CBFA2T2: variants seen among roughly 807,000 people sequenced by gnomAD.
CBFA2T2 encodes the protein CBFA2/RUNX1 partner transcriptional co-repressor 2.
A neutral mutation model predicts 62.2 loss-of-function variants in CBFA2T2; 11 were observed. The ratio of observed to expected loss-of-function variants is 0.18; its 90% CI spans 0.11 to 0.29. The LOEUF (loss-of-function observed/expected upper bound fraction) is 0.29, where lower values mean the gene tolerates loss of function less well. Ranked by LOEUF, CBFA2T2 falls within the 10% of genes least tolerant of loss-of-function variation. The pLI is 1.00. For synonymous variants in CBFA2T2, 295 were observed against 287.5 expected, an observed-to-expected ratio of 1.03 and a Z score of -0.27; for missense variants, 592 against 774.1, an observed-to-expected ratio of 0.76 and a Z score of 2.79.
At chr20:33,554,490 C>G (rs1390767934) in intron 1 of CBFA2T2, among the ~76,000 whole-genome samples, 1 of 151,738 alleles carries the variant, frequency 6.6e-6, no homozygotes, top group Non-Finnish European at 1.5e-5. Flanking sequence ...CTCAAGTGAT[C>G]TGCCCACCTC....
At chr20:33,590,726 C>T (rs892985835) in intron 1 of CBFA2T2, among the ~76,000 whole-genome samples, 3 of 152,180 alleles carry the variant, frequency 2.0e-5, no homozygotes, top group Non-Finnish European at 4.4e-5. Context: ...TTGCTTCGTG[C>T]TACTCCTGAG....
At chr20:33,573,297 T>C (rs2013653724) in intron 1 of CBFA2T2, among the ~76,000 whole-genome samples, 3 of 151,958 alleles carry the variant, frequency 2.0e-5, no homozygotes, top group Non-Finnish European at 4.4e-5. Flanking sequence ...TTACAAAAAA[T>C]GAAAGCGCTA....
intron 1 of CBFA2T2, among the ~76,000 whole-genome samples, chr20:33,533,282 C>T (rs1163474621): frequency 6.6e-6 from 1 of 152,108 alleles, no homozygotes; most frequent in Non-Finnish European, 1.5e-5. Flanking sequence ...GTAATCTCTC[C>T]CTCCCATGCT....
intron 1 of CBFA2T2, among the ~76,000 whole-genome samples, chr20:33,565,331 G>C (rs1568822188): frequency 6.6e-6 from 1 of 152,160 alleles, no homozygotes; most frequent in Non-Finnish European, 1.5e-5. Context: ...CTGAATACTT[G>C]AGAGGATATA....
chr20:33,625,578 G>A (rs574808851), intron 6 of CBFA2T2, among the ~76,000 whole-genome samples: 1 of 152,168 alleles, frequency 6.6e-6, no homozygotes, highest in Non-Finnish European at 1.5e-5. Context: ...TGAGAACTCT[G>A]TTTGAAGATA....
At chr20:33,518,226 C>G (rs537318593) in intron 1 of CBFA2T2, among the ~76,000 whole-genome samples, 1 of 152,224 alleles carries the variant, frequency 6.6e-6, no homozygotes, top group East Asian at 1.9e-4. Context: ...GGATTACAGG[C>G]GTGAGTCACT....
intron 1 of CBFA2T2, among the ~76,000 whole-genome samples, chr20:33,502,682 C>T (rs766270412): frequency 2.0e-5 from 3 of 151,134 alleles, no homozygotes; most frequent in East Asian, 4.0e-4. Flanking sequence ...GGATTACAGG[C>T]GTGAGCCACC....
intron 1 of CBFA2T2, among the ~76,000 whole-genome samples, chr20:33,567,456 T>G (rs2013372016): frequency 6.6e-6 from 1 of 152,228 alleles, no homozygotes; most frequent in Non-Finnish European, 1.5e-5. Flanking sequence ...TGTGGTACAG[T>G]ACGCTAAGAC....
intron 1 of CBFA2T2, among the ~76,000 whole-genome samples, chr20:33,554,588 CCTTTTT>C (rs1219949677): frequency 2.6e-4 from 35 of 134,326 alleles, no homozygotes; most frequent in African/African-American, 9.2e-4. Flanking sequence ...CTTTCCTTTT[CCTTTTT>C]CTTTTCTTTT....
At chr20:33,544,846 A>G (rs897746374) in intron 1 of CBFA2T2, among the ~76,000 whole-genome samples, 2 of 152,158 alleles carry the variant, frequency 1.3e-5, no homozygotes, top group East Asian at 1.9e-4. Context: ...TGCCCGGCCT[A>G]TGTGGTTTAT....
chr20:33,616,005 G>A (rs1193647756), intron 3 of CBFA2T2, among the ~76,000 whole-genome samples: 1 of 151,994 alleles, frequency 6.6e-6, no homozygotes, highest in Non-Finnish European at 1.5e-5. Context: ...AAGCCCAGGA[G>A]TTCGAGGCTG....
intron 8 of CBFA2T2, among the ~76,000 whole-genome samples, chr20:33,635,912 C>G (rs1292491193): frequency 1.3e-5 from 2 of 151,904 alleles, no homozygotes; most frequent in African/African-American, 4.8e-5. Context: ...AAAATGCTGC[C>G]TTTCCTCCCC....
chr20:33,648,937 T>G lies in CBFA2T2; in HGVS notation c.*4291T>G, dbSNP rs924288360. The G allele has an allele frequency of 6.6e-6, 1 of 152,164 alleles. No individual in the cohort carries two copies. The highest frequency in any genetic ancestry group is 2.4e-5 in the African/African-American group (1 of 41,448). 9.4% of individuals were successfully genotyped at this position (152,164 alleles called of 1,614,324 possible). ...GTATAGACATCATTCTGGGTAGTTC[T>G]AGAGGATATCGCAACAAGTGCGTTT... On this transcript the variant is annotated 3_prime_UTR_variant, in exon 11 of 11. Coordinates refer to ENST00000342704, the MANE Select transcript of CBFA2T2 (RefSeq NM_001032999.3).
At chr20:33,579,525 G>A (rs991841263) in intron 1 of CBFA2T2, among the ~76,000 whole-genome samples, 7 of 151,038 alleles carry the variant, frequency 4.6e-5, no homozygotes, top group African/African-American at 1.2e-4. Context: ...TTTATGGTCC[G>A]GGGTATTATT....
chr20:33,602,008 G>C (rs1260745843), intron 1 of CBFA2T2: 3 of 152,046 alleles, frequency 2.0e-5, no homozygotes, highest in Non-Finnish European at 4.4e-5. Flanking sequence ...AGGTCTCCCT[G>C]TGTTGCCCAG....
intron 4 of CBFA2T2, 85 bp from the exon 5 acceptor site, chr20:33,623,030 A>G: frequency 2.3e-6 from 3 of 1,288,084 alleles, no homozygotes; most frequent in Non-Finnish European, 3.3e-6. Context: ...TTTATCTTGT[A>G]TCATCTGCTT....
chr20:33,536,435 C>T (rs1222495424), intron 1 of CBFA2T2, among the ~76,000 whole-genome samples: 1 of 147,780 alleles, frequency 6.8e-6, no homozygotes, highest in South Asian at 2.1e-4. Context: ...GGCTGACCCC[C>T]CCACCTCCCT....
chr20:33,631,245 C>T (rs983444664), intron 8 of CBFA2T2, among the ~76,000 whole-genome samples: 6 of 152,116 alleles, frequency 3.9e-5, no homozygotes, highest in African/African-American at 1.4e-4. Flanking sequence ...ACCCCGGAGG[C>T]GGAGCTTGCA....
At chr20:33,503,088 C>T (rs1389846864) in intron 1 of CBFA2T2, among the ~76,000 whole-genome samples, 2 of 22,998 alleles carry the variant, frequency 8.7e-5, no homozygotes, top group Non-Finnish European at 1.7e-4. Flanking sequence ...GAGACTCTGT[C>T]TCAAAAAAAA....
Sources: allele counts gnomAD v4.1 joint callset (sites outside exome capture counted in the v4.1 genomes callset), GRCh38; gene constraint gnomAD v4.1.1; transcripts MANE v1.5; gene names NCBI Gene and HGNC (gene_info 2026-07-23, HGNC 2026-07-21).